Variants in GCNT4 observed in about 807,000 individuals in gnomAD.
GCNT4 encodes the protein beta-1,3-galactosyl-O-glycosyl-glycoprotein beta-1,6-N-acetylglucosaminyltransferase 4.
In GCNT4, 17 loss-of-function variants were observed where a neutral mutation model predicts 31.3. The ratio of observed to expected loss-of-function variants is 0.54; its 90% CI spans 0.37 to 0.81. The LOEUF is 0.81. Among genes scored for constraint, GCNT4 ranks in the 40% least tolerant of loss-of-function variants. The pLI is 0.00. For synonymous variants in GCNT4, 158 were observed against 190.6 expected (o/e 0.83, Z 1.41); for missense variants, 503 against 525.5 (o/e 0.96, Z 0.42).
chr5:75,030,113 G>T, intron 3 of GCNT4, 75 bp from the exon 4 acceptor site: 1 of 1,402,170 alleles, frequency 7.1e-7, no homozygotes, highest in Non-Finnish European at 9.7e-7. Flanking sequence ...AATCTACTGG[G>T]CGCCTACCAC....
In GCNT4 at chr5:75,045,125, G is replaced by C. The variant is rs75602410; in HGVS notation, c.-2+2772C>G. Among the ~76,000 whole-genome samples, 694 of 151,792 alleles carry C rather than the reference G, an allele frequency of 4.6e-3. 4 individuals are homozygous for C. The highest frequency in any genetic ancestry group is 0.015 in the African/African-American group (630 of 41,402). On this transcript the variant is annotated intron_variant, in intron 3 of 3. Coordinates refer to ENST00000652361, the MANE Select transcript of GCNT4 (RefSeq NM_001366737.1). The stretch of plus-strand genomic sequence containing the variant: ...TGAACATATTCTTTTTTTCTATTAT[G>C]GTGGTGAAATATACATAACATTTAC...
At chr5:75,044,718 A>G (rs1332103873) in intron 3 of GCNT4, among the ~76,000 whole-genome samples, 1 of 152,150 alleles carries the variant, frequency 6.6e-6, no homozygotes, top group Admixed American at 6.5e-5. Flanking sequence ...GGCAACAGCC[A>G]CGGATTTCTG....
chr5:75,048,213 A>G (rs991387270), intron 2 of GCNT4, among the ~76,000 whole-genome samples, 176 bp from the exon 3 acceptor site: 2 of 152,170 alleles, frequency 1.3e-5, no homozygotes, highest in Non-Finnish European at 2.9e-5. Flanking sequence ...TGCTCACGTT[A>G]TTATTAACCC....
At chr5:75,044,884 T>A (rs1743400383) in intron 3 of GCNT4, among the ~76,000 whole-genome samples, 1 of 152,132 alleles carries the variant, frequency 6.6e-6, no homozygotes, top group Non-Finnish European at 1.5e-5. Context: ...AAAAGAATCA[T>A]AGGGATAATG....
chr5:75,052,666 C>G (rs1039489825), upstream of GCNT4: 2 of 152,222 alleles, frequency 1.3e-5, no homozygotes, highest in Non-Finnish European at 2.9e-5. Context: ...AACTCGGAGG[C>G]CCCCTCCAGC....
chr5:75,052,646 C>G (rs973450541), upstream of GCNT4: 14 of 152,334 alleles, frequency 9.2e-5, 2 homozygotes, highest in African/African-American at 3.1e-4. Context: ...AGCTTCCGCC[C>G]CCAAAGAACA....
chr5:75,034,200 G>C (rs1464722338), intron 3 of GCNT4, among the ~76,000 whole-genome samples: 1 of 152,194 alleles, frequency 6.6e-6, no homozygotes, highest in Non-Finnish European at 1.5e-5. Flanking sequence ...GGTTGGAGAG[G>C]ACCACCGGTC....
upstream of GCNT4, among the ~76,000 whole-genome samples, chr5:75,053,737 C>G (rs1184835690): frequency 2.0e-5 from 3 of 152,112 alleles, no homozygotes; most frequent in East Asian, 5.9e-4. Flanking sequence ...CCTCCGCGCT[C>G]CCGCAGAGGG....
chr5:75,050,175 T>G (rs1743536871), intron 2 of GCNT4, among the ~76,000 whole-genome samples: 1 of 152,236 alleles, frequency 6.6e-6, no homozygotes, highest in Non-Finnish European at 1.5e-5. Context: ...GCATCTCTGT[T>G]GCGTGATTAT....
Position 75,028,675 on chromosome 5 carries a change from A to C in GCNT4, c.*1T>G. On this transcript the variant is annotated 3_prime_UTR_variant, in exon 4 of 4. Coordinates refer to ENST00000652361, the MANE Select transcript of GCNT4 (RefSeq NM_001366737.1). Reference sequence around the variant, plus strand: ...CTCTTATTTCCATCCTGATTTTACTATCATGATGTGGTAGTGAGATTTCTA... The same window carrying C: ...CTCTTATTTCCATCCTGATTTTACTCTCATGATGTGGTAGTGAGATTTCTA... The C allele has an allele frequency of 6.2e-7, 1 of 1,607,108 alleles. No individual in the cohort carries two copies. The highest frequency in any genetic ancestry group is 8.5e-7 in the Non-Finnish European group (1 of 1,176,884).
Position 75,028,896 on chromosome 5 carries a change from C to A in GCNT4, c.1142G>T (p.Ser381Ile), listed in dbSNP as rs764926588. 1 of 1,613,832 alleles carries A rather than the reference C, an allele frequency of 6.2e-7. No homozygotes were observed. The highest frequency in any genetic ancestry group is 1.3e-5 in the African/African-American group (1 of 74,890). Reference sequence around the variant, plus strand: ...GCTTCGAAGGTGAGATCCAGTACAACTGGGATAGAAAAAGCCTTCATAGTA... The same window carrying A: ...GCTTCGAAGGTGAGATCCAGTACAAATGGGATAGAAAAAGCCTTCATAGTA... ...WNYYEGFFYP[S>I]CTGSHLRSVC... Residue 381 changes from serine (S) to isoleucine (I), a missense_variant, in exon 4 of 4, where the codon AGT (serine) becomes ATT (isoleucine). Transcript: ENST00000652361.
At chr5:75,046,060 C>T (rs558796917) in intron 3 of GCNT4, among the ~76,000 whole-genome samples, 1 of 152,262 alleles carries the variant, frequency 6.6e-6, no homozygotes, top group East Asian at 1.9e-4. Flanking sequence ...ATCTCTTCTC[C>T]AGTTCTGCAT....
In GCNT4 at chr5:75,029,284, A is replaced by C; in HGVS notation, c.754T>G (p.Leu252Val). 1 of 1,614,162 alleles carries C rather than the reference A, an allele frequency of 6.2e-7. No individual in the cohort carries two copies. The highest frequency in any genetic ancestry group is 8.5e-7 in the Non-Finnish European group (1 of 1,180,016). Residue 252 changes from leucine to valine, a missense_variant, in exon 4 of 4, where the codon TTG (leucine) becomes GTG (valine). Physicochemically the swap from Leu to Val is conservative, Grantham distance 32. Transcript: ENST00000652361. ...CTGTTTGGGGGTTTCACCGTCTCCA[A>C]CATATTTGCTCCATTGAGTTTTTTC... ...ELKKLNGANM[L>V]ETVKPPNSKL...
Position 75,028,977 on chromosome 5 carries a change from C to A in GCNT4, c.1061G>T (p.Arg354Ile), listed in dbSNP as rs1160641858. The part of the protein sequence containing the change: ...RVPGIPGEIS[R>I]SAQDVSDLQS... ...CAGATCAGACACATCCTGGGCTGAT[C>A]TGGAAATCTCCCCAGGTATTCCTGG... The change falls in exon 4 of 4, where the codon AGA becomes ATA. Residue 354 changes from arginine (R) to isoleucine (I), a missense_variant. Arg to Ile is a moderately conservative substitution (Grantham distance 97). Transcript: ENST00000652361. 3.1e-6 allele frequency: 5 copies of A among 1,614,008 alleles called. No individual in the cohort carries two copies. Among genetic ancestry groups the A allele is most frequent in the African/African-American group, 1.3e-5 (1 of 75,038 alleles).
chr5:75,039,077 T>G (rs548359198), intron 3 of GCNT4, among the ~76,000 whole-genome samples: 153 of 152,150 alleles, frequency 1.0e-3, no homozygotes, highest in Non-Finnish European at 1.7e-3. Context: ...TCACTGTTTT[T>G]TTTTGTTTTG....
Position 75,052,245 on chromosome 5 carries a change from A to C in GCNT4, c.-201-18T>G, listed in dbSNP as rs937581353. On this transcript the variant is annotated intron_variant, in intron 1 of 3. Transcript: ENST00000652361. ...TTGTTGTTCTTCCATTTTTAAAGAC[A>C]AAAAAAAAAAAAAAAAGAAAAAGAA... The C allele has an allele frequency of 4.1e-5, 3 of 73,774 alleles. No individual in the cohort carries two copies. The highest frequency in any genetic ancestry group is 1.6e-4 in the Admixed American group (1 of 6,314). The allele number at this position is 73,774 out of a possible 1,614,324, so 4.6% of individuals were successfully genotyped here.
chr5:75,044,488 AG>A (rs1459593060), intron 3 of GCNT4, among the ~76,000 whole-genome samples: 1 of 151,558 alleles, frequency 6.6e-6, no homozygotes, highest in African/African-American at 2.4e-5. Context: ...AAGAGGAACA[AG>A]GGCACTGACT....
intron 3 of GCNT4, among the ~76,000 whole-genome samples, chr5:75,045,287 C>T (rs1368475774): frequency 1.3e-5 from 2 of 152,212 alleles, no homozygotes; most frequent in Non-Finnish European, 2.9e-5. Context: ...ACTAACCCCA[C>T]AATATCCTGC....
chr5:75,028,310 A>G lies in GCNT4; in HGVS notation c.*366T>C. 5.2e-6 allele frequency: 1 copy of G among 193,066 alleles called. No homozygotes were observed. Among genetic ancestry groups the G allele is most frequent in the Middle Eastern group, 2.3e-3 (1 of 426 alleles). 12.0% of individuals were successfully genotyped at this position (193,066 alleles called of 1,614,324 possible). On this transcript the variant is annotated 3_prime_UTR_variant, in exon 4 of 4. Coordinates refer to ENST00000652361, the MANE Select transcript of GCNT4 (RefSeq NM_001366737.1). ...CACAAACTTCAAAAGCTTCTTCAGT[A>G]GAATCCTGACTGTTATGTGGAGAAC...
Sources: gnomAD v4.1 joint callset for allele counts (sites outside exome capture counted in the v4.1 genomes callset) on GRCh38, gnomAD v4.1.1 for gene constraint, MANE v1.5 for transcripts, NCBI Gene and HGNC (gene_info 2026-07-23, HGNC 2026-07-21) for gene names.